HS1BP3: variants seen among roughly 807,000 people sequenced by gnomAD.
HS1BP3 encodes HCLS1 binding protein 3, also known as HCLS1-binding protein 3.
Under a neutral mutation model 33.5 loss-of-function variants are expected in HS1BP3, and 32 were observed. That is an observed-to-expected ratio of 0.95 (90% CI 0.72 to 1.28). The LOEUF (loss-of-function observed/expected upper bound fraction) is 1.28, where lower values mean the gene tolerates loss of function less well. Ranked by LOEUF, HS1BP3 falls within the 50% of genes most tolerant of loss-of-function variation. The pLI is 0.00. For synonymous variants in HS1BP3, 187 were observed against 209.2 expected (o/e 0.89, Z 0.92); for missense variants, 486 against 502.3 (o/e 0.97, Z 0.31).
chr2:20,569,344 G>T (rs11096676), intron 5 of HS1BP3, among the ~76,000 whole-genome samples: 100,287 of 152,110 alleles, frequency 0.66, 37,898 homozygotes, highest in East Asian at 0.85. Flanking sequence ...AAGCTGCTGG[G>T]GCTTTTGTTG....
intron 4 of HS1BP3, among the ~76,000 whole-genome samples, chr2:20,631,251 T>C (rs1009904597): frequency 6.6e-6 from 1 of 151,300 alleles, no homozygotes; most frequent in Non-Finnish European, 1.5e-5. Flanking sequence ...CAGTGGCTCA[T>C]GCCTGTAATC....
chr2:20,608,757 C>A (rs1694254760), intron 2 of HS1BP3, among the ~76,000 whole-genome samples: 1 of 152,130 alleles, frequency 6.6e-6, no homozygotes. Flanking sequence ...GAAACCAGTT[C>A]TCCAGCCTTT....
intron 4 of HS1BP3, among the ~76,000 whole-genome samples, chr2:20,626,958 C>A (rs922226323): frequency 6.6e-6 from 1 of 152,180 alleles, no homozygotes; most frequent in Non-Finnish European, 1.5e-5. Flanking sequence ...AGGGCCATGG[C>A]CTCCTGGGGC....
intron 3 of HS1BP3, among the ~76,000 whole-genome samples, chr2:20,595,045 C>T (rs767239708): frequency 3.3e-5 from 5 of 152,186 alleles, no homozygotes; most frequent in Non-Finnish European, 5.9e-5. Context: ...AGACAGAGCC[C>T]GGCATGCCAC....
In HS1BP3 at chr2:20,641,357, G is replaced by A. The variant is rs952991780; in HGVS notation, c.199-177C>T. On this transcript the variant is annotated intron_variant, in intron 2 of 6. Coordinates refer to ENST00000304031, the MANE Select transcript of HS1BP3 (RefSeq NM_022460.4). ...GCTCCAGTCCTTAACACGCCTGGCC[G>A]ATAGCAGATTCAATAAAAACATCTT... 4.6e-5 allele frequency among the ~76,000 whole-genome samples: 7 copies of A among 152,108 alleles called. No individual in the cohort carries two copies. The East Asian group carries it at 9.6e-4, about 21-fold the overall frequency.
chr2:20,629,619 C>A (rs1221032463), intron 4 of HS1BP3, among the ~76,000 whole-genome samples: 1 of 152,208 alleles, frequency 6.6e-6, no homozygotes, highest in African/African-American at 2.4e-5. Context: ...TGAGGGCCAC[C>A]AAAACATGAG....
At chr2:20,624,115 A>G in intron 5 of HS1BP3, 84 bp from the exon 6 acceptor site, 1 of 1,502,820 alleles carries the variant, frequency 6.7e-7, no homozygotes, top group Non-Finnish European at 9.0e-7. Flanking sequence ...CCACCCCAGG[A>G]AGTCTTCTGG....
In HS1BP3 at chr2:20,611,775, C is replaced by T. The variant is rs1036543331; in HGVS notation, c.178+12121G>A. ...TTGTATGTGCCCATTCCCATGCCCC[C>T]CACCCCACGGTGAGGCAGCAGAAGC... is the stretch of plus-strand genomic sequence containing the variant. On this transcript the variant is annotated intron_variant, in intron 2 of 3. Coordinates refer to the HS1BP3 transcript ENST00000415264. The surrounding 1 kb of genome is among the most constrained non-coding windows in gnomAD (Gnocchi z 4.9). 6.6e-6 allele frequency among the ~76,000 whole-genome samples: 1 copy of T among 152,190 alleles called. No individual in the cohort carries two copies. The highest frequency in any genetic ancestry group is 2.4e-5 in the African/African-American group (1 of 41,444).
chr2:20,650,669 CAG>C (rs916380621), intron 1 of HS1BP3, among the ~76,000 whole-genome samples: 1 of 152,214 alleles, frequency 6.6e-6, no homozygotes, highest in African/African-American at 2.4e-5. Context: ...GCCTGGGACT[CAG>C]GGAGCTCTGA....
intron 6 of HS1BP3, among the ~76,000 whole-genome samples, chr2:20,620,682 A>G (rs1423064099): frequency 1.3e-5 from 2 of 152,236 alleles, no homozygotes; most frequent in Non-Finnish European, 2.9e-5. Context: ...TCTCTTCTAT[A>G]AAGTGGGATT....
At chr2:20,578,215 T>C (rs1693448177) in intron 5 of HS1BP3, among the ~76,000 whole-genome samples, 1 of 152,182 alleles carries the variant, frequency 6.6e-6, no homozygotes, top group Non-Finnish European at 1.5e-5. Flanking sequence ...CAGCCTCTCT[T>C]GACCAGTGCC....
At chr2:20,639,444 G>A (rs1003931126) in intron 3 of HS1BP3, among the ~76,000 whole-genome samples, 1 of 152,238 alleles carries the variant, frequency 6.6e-6, no homozygotes, top group Non-Finnish European at 1.5e-5. Flanking sequence ...TTTGAGAAGC[G>A]TGGGCTCAGA....
rs1462318822 is a variant in HS1BP3, at chr2:20,619,052, T to A, written c.1114A>T (p.Met372Leu). The change falls in exon 7 of 7, where the codon ATG becomes TTG. Residue 372 changes from methionine (M) to leucine (L), a missense_variant. By Grantham distance (15) the Met-to-Leu change is conservative. Coordinates refer to ENST00000304031, the MANE Select transcript of HS1BP3 (RefSeq NM_022460.4). ...PQEQIQAMDEMDILQYIQDHD... is the reference protein window; with the variant it reads ...PQEQIQAMDELDILQYIQDHD... ...TCCTGGATGTACTGCAAGATGTCCA[T>A]CTCGTCCATGGCTTGGATCTGCTCC... 5.0e-6 allele frequency: 8 copies of A among 1,613,998 alleles called. No homozygotes were observed. Among genetic ancestry groups the A allele is most frequent in the Non-Finnish European group, 5.9e-6 (7 of 1,180,016 alleles).
chr2:20,621,572 G>A (rs1694603466), intron 6 of HS1BP3, among the ~76,000 whole-genome samples: 1 of 152,348 alleles, frequency 6.6e-6, no homozygotes, highest in East Asian at 1.9e-4. Flanking sequence ...CAGGGCAGGT[G>A]CCAGCTCCAC....
At chr2:20,601,909 A>G (rs570826328) in intron 2 of HS1BP3, among the ~76,000 whole-genome samples, 22 of 147,584 alleles carry the variant, frequency 1.5e-4, no homozygotes, top group African/African-American at 5.2e-4. Flanking sequence ...AGTTATGTTG[A>G]AGAGTTTGGA....
At chr2:20,602,373 A>T (rs1451484266) in intron 2 of HS1BP3, among the ~76,000 whole-genome samples, 2 of 152,120 alleles carry the variant, frequency 1.3e-5, no homozygotes, top group Non-Finnish European at 2.9e-5. Flanking sequence ...ATGTAATTCT[A>T]TGCACGGAAT....
intron 2 of HS1BP3, among the ~76,000 whole-genome samples, chr2:20,609,427 C>T (rs896644606): frequency 2.8e-5 from 4 of 140,846 alleles, no homozygotes; most frequent in Non-Finnish European, 6.1e-5. Flanking sequence ...CAGGAAAAGG[C>T]CTGTTCTCGT....
intron 4 of HS1BP3, among the ~76,000 whole-genome samples, chr2:20,626,956 G>A (rs2149293407): frequency 6.6e-6 from 1 of 152,300 alleles, no homozygotes; most frequent in South Asian, 2.1e-4. Context: ...CAAGGGCCAT[G>A]GCCTCCTGGG....
downstream of HS1BP3, among the ~76,000 whole-genome samples, chr2:20,557,704 A>G (rs1447458377): frequency 6.6e-6 from 1 of 152,198 alleles, no homozygotes; most frequent in African/African-American, 2.4e-5. Context: ...AGGTTTCTAG[A>G]GGCCTTCGGA....
Sources: gnomAD v4.1 joint callset for allele counts (sites outside exome capture counted in the v4.1 genomes callset) on GRCh38, gnomAD v4.1.1 for gene constraint, Gnocchi (gnomAD v3.1) non-coding constraint, MANE v1.5 for transcripts, NCBI Gene and HGNC (gene_info 2026-07-23, HGNC 2026-07-21) for gene names.